The following IL2RA variants were observed in gnomAD, a reference collection of about 807,000 sequenced individuals.
IL2RA encodes the protein interleukin 2 receptor subunit alpha.
In IL2RA, 24 loss-of-function variants were observed where a neutral mutation model predicts 37.8. The ratio of observed to expected loss-of-function variants is 0.63; its 90% CI spans 0.46 to 0.89. The LOEUF (loss-of-function observed/expected upper bound fraction) is 0.89, where lower values mean the gene tolerates loss of function less well. Among genes scored for constraint, IL2RA ranks in the 40% least tolerant of loss-of-function variants. The pLI is 0.00. For missense variants in IL2RA, 319 were observed against 348.6 expected (o/e 0.92, Z 0.68); for synonymous variants, 125 against 114.6 (o/e 1.09, Z -0.58).
intron 1 of IL2RA, among the ~76,000 whole-genome samples, chr10:6,027,517 T>G (rs1839504677): frequency 6.6e-6 from 1 of 152,206 alleles, no homozygotes; most frequent in Admixed American, 6.5e-5. Context: ...AGGAGAAAGA[T>G]GGGTTTCTAA....
intron 7 of IL2RA, among the ~76,000 whole-genome samples, chr10:6,016,108 G>T (rs1839272872): frequency 6.6e-6 from 1 of 152,206 alleles, no homozygotes; most frequent in Non-Finnish European, 1.5e-5. Flanking sequence ...ATCCAGCAAT[G>T]TTGACAGGTG....
chr10:6,017,025 G>T, intron 7 of IL2RA: 1 of 155,012 alleles, frequency 6.5e-6, no homozygotes, highest in East Asian at 1.8e-4. Context: ...TTTGGTGACA[G>T]GATTTCCCTC....
chr10:6,025,340 C>A lies in IL2RA; in HGVS notation c.256+494G>T, dbSNP rs10905634. Among the ~76,000 whole-genome samples the A allele has an allele frequency of 0.2, 29,787 of 151,586 alleles. 3,406 individuals are homozygous for A. Among genetic ancestry groups the A allele is most frequent in the East Asian group, 0.25 (1,265 of 5,128 alleles). The stretch of plus-strand genomic sequence containing the variant: ...CCGCACCCCAGCCTGGGCAACAGAG[C>A]GAGACTGTCTCAAAAATAAAAATAA... On this transcript the variant is annotated intron_variant, in intron 2 of 7. Coordinates refer to ENST00000379959, the MANE Select transcript of IL2RA (RefSeq NM_000417.3). This position sits in a 1 kb window ranked among gnomAD's most constrained non-coding sequence, Gnocchi z 4.4.
rs1345645159 is a variant in IL2RA at position 6,048,742 on chromosome 10, C to G, written c.64+13346G>C. Among the ~76,000 whole-genome samples, 1 of 152,196 alleles carries G rather than the reference C, an allele frequency of 6.6e-6. No individual in the cohort carries two copies. The highest frequency in any genetic ancestry group is 2.4e-5 in the African/African-American group (1 of 41,442). On this transcript the variant is annotated intron_variant, in intron 1 of 7. Coordinates refer to ENST00000379959, the MANE Select transcript of IL2RA (RefSeq NM_000417.3). This position sits in a 1 kb window ranked among gnomAD's most constrained non-coding sequence, Gnocchi z 5.3. Reference sequence around the variant, plus strand: ...TGCTTTCTCTTCTTCCTTCATTCTTCACATAAACCCAATGCTGTCTCTCCA... The same window carrying G: ...TGCTTTCTCTTCTTCCTTCATTCTTGACATAAACCCAATGCTGTCTCTCCA...
chr10:6,026,665 G>C (rs1373530957), intron 1 of IL2RA, among the ~76,000 whole-genome samples: 1 of 152,164 alleles, frequency 6.6e-6, no homozygotes, highest in East Asian at 1.9e-4. Context: ...CTATTAAAAG[G>C]AAAAGTGGCA....
chr10:6,062,038 G>A, intron 1 of IL2RA, 50 bp downstream of exon 1: 1 of 1,436,442 alleles, frequency 7.0e-7, no homozygotes, highest in East Asian at 2.3e-5. Flanking sequence ...CTGGGAAGAG[G>A]GATGCCCATC....
chr10:6,017,818 C>T (rs903840631), intron 7 of IL2RA, among the ~76,000 whole-genome samples: 1 of 152,148 alleles, frequency 6.6e-6, no homozygotes, highest in Non-Finnish European at 1.5e-5. Flanking sequence ...CTCAGGTGAT[C>T]CACTCAGCCT....
rs193217067 is a variant in IL2RA, at chr10:6,033,358, C to T, written c.65-7333G>A. Among the ~76,000 whole-genome samples, 135 of 152,004 alleles carry T rather than the reference C, an allele frequency of 8.9e-4. No homozygotes were observed. The highest frequency in any genetic ancestry group is 3.1e-3 in the African/African-American group (130 of 41,478). On this transcript the variant is annotated intron_variant, in intron 1 of 7. Coordinates refer to ENST00000379959, the MANE Select transcript of IL2RA (RefSeq NM_000417.3). This position sits in a 1 kb window ranked among gnomAD's most constrained non-coding sequence, Gnocchi z 4.3. Reference sequence around the variant, plus strand: ...CAAAAAAAGAAAGTATTTTTATTGACGTTAAATATATACCTGCCCTACAAT... The same window carrying T: ...CAAAAAAAGAAAGTATTTTTATTGATGTTAAATATATACCTGCCCTACAAT...
In IL2RA at chr10:6,056,785, G is replaced by A. The variant is rs563102786; in HGVS notation, c.64+5303C>T. On this transcript the variant is annotated intron_variant, in intron 1 of 7. Coordinates refer to ENST00000379959, the MANE Select transcript of IL2RA (RefSeq NM_000417.3). The surrounding 1 kb of genome is among the most constrained non-coding windows in gnomAD (Gnocchi z 5.0). ...AAAGATTCCCCTTTCTCTTCTCTCA[G>A]GGAATGGCCTGGGATAGAGAAGAGA... 2.0e-5 allele frequency among the ~76,000 whole-genome samples: 3 copies of A among 152,124 alleles called. No homozygotes were observed. The highest frequency in any genetic ancestry group is 4.4e-5 in the Non-Finnish European group (3 of 68,000).
chr10:6,019,943 TG>T lies in IL2RA; in HGVS notation c.584-3del. ...GGCTTGCCTGAGGCTTCTCTTCACC[TG>T]GGGGAGAGAGTAAGTGATGCTGGTG... On this transcript the variant is annotated splice_polypyrimidine_tract_variant and splice_region_variant and intron_variant, in intron 4 of 7. Coordinates refer to ENST00000379959, the MANE Select transcript of IL2RA (RefSeq NM_000417.3). 6.2e-7 allele frequency: 1 copy of T among 1,611,338 alleles called. No individual in the cohort carries two copies. Among genetic ancestry groups the T allele is most frequent in the Non-Finnish European group, 8.5e-7 (1 of 1,177,468 alleles).
rs1435717592 is a variant in IL2RA, at chr10:6,056,226, C to T, written c.64+5862G>A. On this transcript the variant is annotated intron_variant, in intron 1 of 7. Transcript: ENST00000379959. This position sits in a 1 kb window ranked among gnomAD's most constrained non-coding sequence, Gnocchi z 5.0. ...GCCATTCAGCAGCAGTTTCATCTCC[C>T]GTGTTAAACTGTGAGCACAAGAGGA... Among the ~76,000 whole-genome samples the T allele has an allele frequency of 1.3e-5, 2 of 152,202 alleles. No homozygotes were observed. The highest frequency in any genetic ancestry group is 1.5e-5 in the Non-Finnish European group (1 of 68,048).
chr10:6,055,148 C>G (rs1188169549), intron 1 of IL2RA, among the ~76,000 whole-genome samples: 1 of 152,200 alleles, frequency 6.6e-6, no homozygotes, highest in Non-Finnish European at 1.5e-5. Flanking sequence ...TAGGCGGTAA[C>G]CCCTGACCTC....
rs754511551 is a variant in IL2RA, at chr10:6,021,097, G to A, written c.583+381C>T. On this transcript the variant is annotated intron_variant, in intron 4 of 7. Transcript: ENST00000379959. This position sits in a 1 kb window ranked among gnomAD's most constrained non-coding sequence, Gnocchi z 4.9. ...TGCATTTACACGATCACCAGTAAGA[G>A]GAAAAATGTGTGAGTGGGAAACTGG... is the stretch of plus-strand genomic sequence containing the variant. 2.0e-5 allele frequency among the ~76,000 whole-genome samples: 3 copies of A among 152,116 alleles called. No homozygotes were observed. The highest frequency in any genetic ancestry group is 4.8e-5 in the African/African-American group (2 of 41,416).
At position 6,031,306 on chromosome 10, in the gene IL2RA, G is replaced by T. The variant is rs140896046; in HGVS notation, c.65-5281C>A. Among the ~76,000 whole-genome samples, 809 of 151,188 alleles carry T rather than the reference G, an allele frequency of 5.4e-3. 4 individuals are homozygous for T. Among genetic ancestry groups the T allele is most frequent in the African/African-American group, 0.019 (777 of 41,286 alleles). ...AATCTACAAAGATAAGCATAAGGAA[G>T]CTGGTATGGTTATATTAATATCAGG... is the stretch of plus-strand genomic sequence containing the variant. On this transcript the variant is annotated intron_variant, in intron 1 of 7. Coordinates refer to ENST00000379959, the MANE Select transcript of IL2RA (RefSeq NM_000417.3).
At chr10:6,026,218 A>C in intron 1 of IL2RA, 193 bp from the exon 2 acceptor site, 1 of 629,056 alleles carries the variant, frequency 1.6e-6, no homozygotes, top group Non-Finnish European at 2.8e-6. Flanking sequence ...TGGCTCAAAA[A>C]TTAACTACAA....
intron 7 of IL2RA, 80 bp downstream of exon 7, chr10:6,017,972 AG>A: frequency 9.8e-7 from 1 of 1,021,422 alleles, no homozygotes; most frequent in Non-Finnish European, 1.5e-6. Context: ...GAGAGCATGG[AG>A]GGGGTAGGGG....
Position 6,018,235 on chromosome 10 carries a change from G to T in IL2RA, c.728-116C>A. 1 of 772,236 alleles carries T rather than the reference G, an allele frequency of 1.3e-6. No individual in the cohort carries two copies. The highest frequency in any genetic ancestry group is 2.6e-5 in the East Asian group (1 of 38,006). The allele number at this position is 772,236 out of a possible 1,614,324, so 47.8% of individuals were successfully genotyped here. On this transcript the variant is annotated intron_variant, in intron 6 of 7. Coordinates refer to ENST00000379959, the MANE Select transcript of IL2RA (RefSeq NM_000417.3). This position sits in a 1 kb window ranked among gnomAD's most constrained non-coding sequence, Gnocchi z 5.1. ...CCCAAAGAGCAAGGCGGAGGCTGCAGCCTCTCTTCCCTGTCTCAGGAAGTA... is the reference window on the plus strand; with the variant it reads ...CCCAAAGAGCAAGGCGGAGGCTGCATCCTCTCTTCCCTGTCTCAGGAAGTA...
intron 3 of IL2RA, 38 bp downstream of exon 3, chr10:6,024,206 C>G (rs1279003782): frequency 7.3e-7 from 1 of 1,361,920 alleles, no homozygotes. Context: ...GAAGGGTGCG[C>G]TAGCAGGAGT....
chr10:6,041,362 G>A (rs867166154), intron 1 of IL2RA, among the ~76,000 whole-genome samples: 25 of 151,974 alleles, frequency 1.6e-4, no homozygotes, highest in Non-Finnish European at 2.8e-4. Flanking sequence ...TGATCCACCC[G>A]CCTCGGCCTC....
Sources: allele counts gnomAD v4.1 joint callset (sites outside exome capture counted in the v4.1 genomes callset), GRCh38; gene constraint gnomAD v4.1.1; non-coding constraint Gnocchi (gnomAD v3.1); transcripts MANE v1.5; gene names NCBI Gene and HGNC (gene_info 2026-07-23, HGNC 2026-07-21).